TENT4B: variants seen among roughly 807,000 people sequenced by gnomAD.
TENT4B encodes the protein PAP associated domain containing 5.
TENT4B carries 10 observed loss-of-function variants against 75.0 expected under a neutral mutation model. The ratio of observed to expected loss-of-function variants is 0.13; its 90% CI spans 0.08 to 0.23. The LOEUF is 0.23. TENT4B is among the 10% of genes least tolerant of loss of function. The pLI, the probability that TENT4B is intolerant of heterozygous loss-of-function variation, is 1.00. For synonymous variants in TENT4B, 350 were observed against 357.7 expected (o/e 0.98, Z 0.24); for missense variants, 579 against 893.8 (o/e 0.65, Z 4.49).
chr16:50,159,495 C>T (rs754328260), intron 1 of TENT4B, among the ~76,000 whole-genome samples: 8 of 152,106 alleles, frequency 5.3e-5, no homozygotes, highest in East Asian at 1.9e-4. Context: ...CTGCCTCGGC[C>T]GCCCAAAGTG....
chr16:50,232,431 A>G lies in TENT4B; in HGVS notation c.*3103A>G. The G allele has an allele frequency of 1.0e-6, 1 of 985,418 alleles. No homozygotes were observed. 61.0% of individuals were successfully genotyped at this position (985,418 alleles called of 1,614,324 possible). A position where few individuals can be genotyped will look rare whatever the true frequency, so the allele number is the denominator to read the frequency against. On this transcript the variant is annotated 3_prime_UTR_variant, in exon 12 of 12. Coordinates refer to ENST00000561678, the MANE Select transcript of TENT4B (RefSeq NM_001365324.3). ...ATTTGATTTGGCTCCAGATATTCCT[A>G]GATCTGCACAGGGCAAAACATGGGC...
intron 1 of TENT4B, among the ~76,000 whole-genome samples, chr16:50,195,847 G>C (rs1420329818): frequency 1.3e-5 from 2 of 152,100 alleles, no homozygotes; most frequent in Non-Finnish European, 2.9e-5. Flanking sequence ...AGGTCTTAAA[G>C]ATCTTATACT....
Position 50,225,241 on chromosome 16 carries a change from C to G in TENT4B, c.1756C>G (p.Pro586Ala). The change falls in exon 10 of 12, where the codon CCA becomes GCA. Residue 586 changes from proline (P) to alanine (A), a missense_variant. Physicochemically the swap from Pro to Ala is conservative, Grantham distance 27. Around this residue, in one of 7 missense-constraint regions of TENT4B, gnomAD observed 164 missense variants for 226.5 expected, o/e 0.72. Transcript: ENST00000561678. ...ACACTCTTCAAACTCTTCATCAGGTCCAGTGTCGTCCTCTTCTGCCACACA... is the reference window on the plus strand; with the variant it reads ...ACACTCTTCAAACTCTTCATCAGGTGCAGTGTCGTCCTCTTCTGCCACACA... Reference protein sequence around the residue: ...SKHSSNSSSGPVSSSSATQSS... With the variant: ...SKHSSNSSSGAVSSSSATQSS... The G allele has an allele frequency of 6.2e-7, 1 of 1,613,400 alleles. No individual in the cohort carries two copies. The highest frequency in any genetic ancestry group is 2.2e-5 in the East Asian group (1 of 44,884).
intron 5 of TENT4B, among the ~76,000 whole-genome samples, chr16:50,220,505 G>A (rs2031778060): frequency 6.6e-6 from 1 of 151,958 alleles, no homozygotes; most frequent in East Asian, 1.9e-4. Context: ...AAAGGGAACT[G>A]TATCTAGACT....
intron 7 of TENT4B, among the ~76,000 whole-genome samples, chr16:50,224,384 T>A (rs2031954490): frequency 6.6e-6 from 1 of 152,220 alleles, no homozygotes; most frequent in Non-Finnish European, 1.5e-5. Flanking sequence ...CAGGGCACTA[T>A]TTCTTTTGTT....
chr16:50,154,633 A>G (rs1272524894), intron 1 of TENT4B, among the ~76,000 whole-genome samples: 3 of 145,202 alleles, frequency 2.1e-5, no homozygotes, highest in Non-Finnish European at 4.5e-5. Context: ...CTTTTTCCCC[A>G]TCATCACAAC....
chr16:50,217,589 G>C lies in TENT4B; in HGVS notation c.964G>C (p.Glu322Gln). ...PIIKLTDSFT[E>Q]VKVDISFNVQ... ...TATTAAATTAACAGATTCTTTTACT[G>C]AAGTGAAAGTTGATATCAGCTTTAA... The change falls in exon 5 of 12, where the codon GAA becomes CAA. Residue 322 changes from glutamate (E) to glutamine (Q), a missense_variant. By Grantham distance (29) the Glu-to-Gln change is conservative. Transcript: ENST00000561678. 6.6e-7 allele frequency: 1 copy of C among 1,524,448 alleles called. No individual in the cohort carries two copies. Among genetic ancestry groups the C allele is most frequent in the Non-Finnish European group, 8.8e-7 (1 of 1,137,802 alleles). 94.4% of individuals were successfully genotyped at this position (1,524,448 alleles called of 1,614,324 possible). A position where few individuals can be genotyped will look rare whatever the true frequency, so the allele number is the denominator to read the frequency against.
intron 1 of TENT4B, among the ~76,000 whole-genome samples, chr16:50,177,361 G>A (rs1200956735): frequency 6.6e-6 from 1 of 152,060 alleles, no homozygotes; most frequent in Non-Finnish European, 1.5e-5. Context: ...ATCTGGGCCT[G>A]GTGCCTTTTG....
rs35008488 is a variant in TENT4B, at chr16:50,178,142, C to CTTT, written c.638+23902_638+23904dup. On this transcript the variant is annotated intron_variant, in intron 1 of 11. Coordinates refer to ENST00000561678, the MANE Select transcript of TENT4B (RefSeq NM_001365324.3). ...GCTCTTTGTGGCTCAAGGTGGTCTA[C>CTTT]TTTTTTTTTTTTTTTTTTTTTAAAG... Among the ~76,000 whole-genome samples the CTTT allele has an allele frequency of 1.1e-3, 122 of 115,566 alleles. 2 individuals carry two copies. The highest frequency in any genetic ancestry group is 1.8e-3 in the Non-Finnish European group (108 of 58,596). 75.8% of individuals were successfully genotyped at this position (115,566 alleles called of 152,430 possible). A position where few individuals can be genotyped will look rare whatever the true frequency, so the allele number is the denominator to read the frequency against.
chr16:50,211,200 T>C, intron 1 of TENT4B, 123 bp from the exon 2 acceptor site: 1 of 1,028,344 alleles, frequency 9.7e-7, no homozygotes, highest in East Asian at 3.3e-5. Flanking sequence ...TCTTGAGTTA[T>C]AACATTAAAA....
chr16:50,228,446 G>T (rs1359983386), intron 11 of TENT4B, among the ~76,000 whole-genome samples: 2 of 152,162 alleles, frequency 1.3e-5, no homozygotes, highest in Non-Finnish European at 2.9e-5. Context: ...CATTAGCTTG[G>T]ACTTAAAAGG....
intron 1 of TENT4B, among the ~76,000 whole-genome samples, chr16:50,176,092 C>CTTT (rs145212628): frequency 7.1e-6 from 1 of 140,220 alleles, no homozygotes; most frequent in Non-Finnish European, 1.6e-5. Flanking sequence ...CAATATAATT[C>CTTT]TTTTTTTTTT....
At chr16:50,200,652 T>C (rs1262634937) in intron 1 of TENT4B, among the ~76,000 whole-genome samples, 1 of 152,170 alleles carries the variant, frequency 6.6e-6, no homozygotes, top group Admixed American at 6.5e-5. Context: ...ATATGTTTAC[T>C]TCTCATCTAT....
chr16:50,210,990 C>G (rs191179879), intron 1 of TENT4B, among the ~76,000 whole-genome samples: 79 of 152,340 alleles, frequency 5.2e-4, no homozygotes, highest in Middle Eastern at 3.4e-3. Context: ...TCCCTACTGC[C>G]AGGAAACTTG....
intron 1 of TENT4B, among the ~76,000 whole-genome samples, chr16:50,187,013 G>A (rs966796292): frequency 1.3e-5 from 2 of 151,702 alleles, no homozygotes; most frequent in Non-Finnish European, 2.9e-5. Flanking sequence ...CTCCTACCTC[G>A]GCTTCTCAGA....
At chr16:50,209,018 A>G (rs1474220349) in intron 1 of TENT4B, among the ~76,000 whole-genome samples, 1 of 152,240 alleles carries the variant, frequency 6.6e-6, no homozygotes, top group Non-Finnish European at 1.5e-5. Flanking sequence ...GGCGTGAGCC[A>G]CTGCGCCTGG....
chr16:50,167,279 A>T (rs2038119018), intron 1 of TENT4B, among the ~76,000 whole-genome samples: 1 of 152,230 alleles, frequency 6.6e-6, no homozygotes, highest in Non-Finnish European at 1.5e-5. Flanking sequence ...ATGTTGGGCC[A>T]CATTCAAAGC....
chr16:50,187,316 C>T (rs2038547897), intron 1 of TENT4B, among the ~76,000 whole-genome samples: 1 of 152,212 alleles, frequency 6.6e-6, no homozygotes, highest in South Asian at 2.1e-4. Context: ...GGCGCAGTGG[C>T]TCACGCCTGT....
intron 10 of TENT4B, among the ~76,000 whole-genome samples, chr16:50,225,731 G>A (rs566666214): frequency 1.3e-5 from 2 of 150,748 alleles, no homozygotes; most frequent in African/African-American, 4.9e-5. Flanking sequence ...CACCCAGGCT[G>A]GAGTGCAGTG....
Sources: gnomAD v4.1 joint callset for allele counts (sites outside exome capture counted in the v4.1 genomes callset) on GRCh38, gnomAD v4.1.1 for gene constraint, gnomAD v4.1.1 regional missense constraint, MANE v1.5 for transcripts, NCBI Gene and HGNC (gene_info 2026-07-23, HGNC 2026-07-21) for gene names.